Variants in SP3 observed in about 807,000 individuals in gnomAD.
The protein encoded by SP3 is Sp3 transcription factor.
A neutral mutation model predicts 70.3 loss-of-function variants in SP3; 10 were observed. The observed-to-expected ratio is 0.14, with a 90% CI of 0.09 to 0.24. The LOEUF (loss-of-function observed/expected upper bound fraction) is 0.24. Among genes scored for constraint, SP3 ranks in the 10% least tolerant of loss-of-function variants. The pLI is 1.00. For missense variants in SP3, 825 were observed against 914.6 expected (o/e 0.90, Z 1.26); for synonymous variants, 402 against 333.5 (o/e 1.21, Z -2.24).
intron 4 of SP3, among the ~76,000 whole-genome samples, chr2:173,927,891 G>A (rs970323149): frequency 2.6e-5 from 4 of 152,088 alleles, no homozygotes; most frequent in South Asian, 4.1e-4. Context: ...AGCTCAGAAC[G>A]TTATTTAATC....
At chr2:173,964,743 C>G (rs1476603100) in intron 1 of SP3, 190 bp from the exon 2 acceptor site, 1 of 428,116 alleles carries the variant, frequency 2.3e-6, no homozygotes, top group Non-Finnish European at 4.1e-6. Context: ...CCGCCCGCCG[C>G]TGCCTGTAAC....
In SP3 at chr2:173,955,566, C is replaced by T. The variant is rs1690854163; in HGVS notation, c.946G>A (p.Val316Ile). ...TTAGTTTCATTAATATCAGGAGAAA[C>T]CCGCTCACCAGTCCTTTCTGAATTG... Reference protein sequence around the residue: ...SDNSERTGERVSPDINETNTD... With the variant: ...SDNSERTGERISPDINETNTD... The change falls in exon 4 of 7, where the codon GTT becomes ATT. Residue 316 changes from valine to isoleucine, a missense_variant. By Grantham distance (29) the Val-to-Ile change is conservative. This residue lies in a region of SP3 where 678 missense variants were observed against 651.6 expected (regional missense o/e 1.04). Transcript: ENST00000310015. The T allele has an allele frequency of 1.2e-6, 2 of 1,613,958 alleles. No individual in the cohort carries two copies. Among genetic ancestry groups the T allele is most frequent in the Non-Finnish European group, 1.7e-6 (2 of 1,180,028 alleles).
At chr2:173,938,840 T>A (rs1268406714) in intron 4 of SP3, among the ~76,000 whole-genome samples, 3 of 152,218 alleles carry the variant, frequency 2.0e-5, no homozygotes, top group African/African-American at 7.2e-5. Context: ...TATCACATTA[T>A]ACTAGAATCA....
chr2:173,911,281 ACTGC>A (rs1689475836), intron 6 of SP3, among the ~76,000 whole-genome samples: 1 of 152,226 alleles, frequency 6.6e-6, no homozygotes, highest in African/African-American at 2.4e-5. Context: ...TAGATGCTCC[ACTGC>A]CTAATTTACA....
At position 173,910,348 on chromosome 2, in the gene SP3, G is replaced by C. The variant is rs906145782; in HGVS notation, c.2030-91C>G. 2.9e-6 allele frequency: 3 copies of C among 1,048,602 alleles called. No individual in the cohort carries two copies. The African/African-American group carries it at 4.8e-5, about 17-fold the overall frequency. The allele number at this position is 1,048,602 out of a possible 1,614,324, so 65.0% of individuals were successfully genotyped here. A position where few individuals can be genotyped will look rare whatever the true frequency, so the allele number is the denominator to read the frequency against. Reference sequence around the variant, plus strand: ...CCAAAACAGAAAGTAAGTCAACGCTGACAGGTGAGGATGGGAGCAGGGGTC... The same window carrying C: ...CCAAAACAGAAAGTAAGTCAACGCTCACAGGTGAGGATGGGAGCAGGGGTC... On this transcript the variant is annotated intron_variant, in intron 6 of 6. Coordinates refer to ENST00000310015, the MANE Select transcript of SP3 (RefSeq NM_003111.5).
chr2:173,917,752 A>T (rs553544672), intron 5 of SP3, among the ~76,000 whole-genome samples: 1 of 152,104 alleles, frequency 6.6e-6, no homozygotes, highest in Non-Finnish European at 1.5e-5. Flanking sequence ...GCTGCACAAA[A>T]AAGGGACCGT....
At chr2:173,965,411 A>T (rs1039739803), upstream of SP3, 27 of 547,424 alleles carry the variant, frequency 4.9e-5, no homozygotes, top group African/African-American at 4.6e-4. Context: ...CTTGGCTCTC[A>T]TTCGCCGCCG....
intron 4 of SP3, among the ~76,000 whole-genome samples, chr2:173,923,644 A>C (rs1689821874): frequency 6.6e-6 from 1 of 152,088 alleles, no homozygotes; most frequent in Non-Finnish European, 1.5e-5. Flanking sequence ...ATAAAATGAG[A>C]CATTATCTTT....
At chr2:173,951,364 ATACT>A (rs1483863205) in intron 4 of SP3, among the ~76,000 whole-genome samples, 16 of 152,348 alleles carry the variant, frequency 1.1e-4, no homozygotes, top group Admixed American at 2.6e-4. Flanking sequence ...GTGTATACTG[ATACT>A]TACCATATCA....
rs1385761428 is a variant in SP3, at chr2:173,956,169, T to C, written c.343A>G (p.Thr115Ala). The C allele has an allele frequency of 3.1e-6, 5 of 1,613,974 alleles. No individual in the cohort carries two copies. The highest frequency in any genetic ancestry group is 2.2e-5 in the East Asian group (1 of 44,898). ...GCTTCATCTTTTATAGTTGTAGGTG[T>C]GGCTGACAAAACCTCCCATCGGTTT... ...APNRWEVLSA[T>A]PTTIKDEAGN... The change falls in exon 4 of 7, where the codon ACA (threonine) becomes GCA (alanine). Residue 115 changes from threonine (T) to alanine (A), a missense_variant. By Grantham distance (58) the Thr-to-Ala change is moderately conservative (BLOSUM62 0). Coordinates refer to ENST00000310015, the MANE Select transcript of SP3 (RefSeq NM_003111.5).
chr2:173,955,009 C>T lies in SP3; in HGVS notation c.1503G>A (p.Ala501=), dbSNP rs189281761. 2.7e-5 allele frequency: 43 copies of T among 1,614,124 alleles called. No homozygotes were observed. The highest frequency in any genetic ancestry group is 1.6e-4 in the Middle Eastern group (1 of 6,062). The stretch of plus-strand genomic sequence containing the variant: ...GAGTTGAAGTGAAGGCTCCACCTGC[C>T]GCAACTTGACCAAGTGTGAGGGTTT... ...PVQTLTLGQV[A]AGGAFTSTPV... is the part of the protein sequence containing the mutation. Residue 501 remains alanine, a synonymous_variant, in exon 4 of 7, where the codon GCG becomes GCA. Transcript: ENST00000310015.
chr2:173,921,480 G>T (rs58477167), intron 4 of SP3, among the ~76,000 whole-genome samples: 6,228 of 152,186 alleles, frequency 0.041, 197 homozygotes, highest in Admixed American at 0.1. Flanking sequence ...ATTGAACCTA[G>T]GAGTTCAAGA....
chr2:173,925,587 T>A (rs1048077108), intron 4 of SP3, among the ~76,000 whole-genome samples: 9 of 152,192 alleles, frequency 5.9e-5, no homozygotes, highest in African/African-American at 1.4e-4. Context: ...ACAATTTTTT[T>A]AAAAATCTGG....
intron 1 of SP3, 23 bp downstream of exon 1, chr2:173,965,142 G>T (rs1418609398): frequency 6.5e-7 from 1 of 1,548,574 alleles, no homozygotes; most frequent in Non-Finnish European, 8.7e-7. Flanking sequence ...AGCAGCAAGG[G>T]TTGCTCTCTC....
intron 6 of SP3, among the ~76,000 whole-genome samples, chr2:173,912,446 CTGA>C (rs1358130947): frequency 6.6e-6 from 1 of 152,196 alleles, no homozygotes; most frequent in African/African-American, 2.4e-5. Flanking sequence ...TGAGCATAGA[CTGA>C]TGAACACTTT....
chr2:173,952,619 A>G lies in SP3; in HGVS notation c.1639+2254T>C, dbSNP rs560590296. On this transcript the variant is annotated intron_variant, in intron 4 of 6. Coordinates refer to ENST00000310015, the MANE Select transcript of SP3 (RefSeq NM_003111.5). ...TACTACCTACACAAATGTTCACAGC[A>G]GCAATATTCATAATAGCCAAAAAGT... 2.7e-4 allele frequency among the ~76,000 whole-genome samples: 41 copies of G among 152,372 alleles called. No individual in the cohort carries two copies. In the South Asian group the frequency reaches 8.5e-3, roughly 32 times the overall value.
intron 3 of SP3, among the ~76,000 whole-genome samples, chr2:173,962,659 AT>A (rs922374814): frequency 2.0e-5 from 3 of 152,126 alleles, no homozygotes; most frequent in Admixed American, 6.6e-5. Flanking sequence ...AAAAAAAAAA[AT>A]ACCTGGACAT....
At chr2:173,948,653 TAAGAG>T (rs1435049157) in intron 4 of SP3, among the ~76,000 whole-genome samples, 4 of 152,182 alleles carry the variant, frequency 2.6e-5, no homozygotes, top group African/African-American at 4.8e-5. Flanking sequence ...TCCTAAGAGA[TAAGAG>T]AAAATTTCAC....
Position 173,925,078 on chromosome 2 carries a change from G to A in SP3, c.1640-6293C>T, listed in dbSNP as rs149726726. Among the ~76,000 whole-genome samples, 30 of 152,274 alleles carry A rather than the reference G, an allele frequency of 2.0e-4. No homozygotes were observed. In the East Asian group the frequency reaches 4.1e-3, roughly 21 times the overall value. ...AATTTCTGTATTTTTAGTAGAGACC[G>A]AGTTTCGCCATGTTGGTCAGGCTGG... On this transcript the variant is annotated intron_variant, in intron 4 of 6. Transcript: ENST00000310015.
Sources: allele counts gnomAD v4.1 joint callset (sites outside exome capture counted in the v4.1 genomes callset), GRCh38; gene constraint gnomAD v4.1.1; regional missense constraint gnomAD v4.1.1; transcripts MANE v1.5; gene names NCBI Gene and HGNC (gene_info 2026-07-23, HGNC 2026-07-21).